Variants in TSHZ3 observed in about 807,000 individuals in gnomAD.
The protein encoded by TSHZ3 is teashirt zinc finger homeobox 3.
Under a neutral mutation model 64.5 loss-of-function variants are expected in TSHZ3, and 10 were observed. The ratio of observed to expected loss-of-function variants is 0.16; its 90% CI spans 0.10 to 0.26. TSHZ3 has a LOEUF of 0.26. Ranked by LOEUF, TSHZ3 falls within the 10% of genes least tolerant of loss-of-function variation. TSHZ3 has a pLI of 1.00. For synonymous variants in TSHZ3, 608 were observed against 593.1 expected (o/e 1.03, Z -0.36); for missense variants, 1,242 against 1,421.7 (o/e 0.87, Z 2.03).
In TSHZ3 at chr19:31,278,431, G is replaced by C; in HGVS notation, c.1362C>G (p.Ser454=). Residue 454 remains serine, a synonymous_variant, in exon 2 of 2, where the codon TCC becomes TCG. Transcript: ENST00000240587. The surrounding 1 kb of genome is among the most constrained non-coding windows in gnomAD (Gnocchi z 4.7). The part of the protein sequence containing the change: ...SVPLAATTFT[S]PSNTPASISP... ...AGATGCTGGCAGGTGTATTGGAGGG[G>C]GACGTGAAGGTGGTGGCTGCCAGGG... is the stretch of plus-strand genomic sequence containing the variant. 1 of 1,614,144 alleles carries C rather than the reference G, an allele frequency of 6.2e-7. No individual in the cohort carries two copies.
intron 1 of TSHZ3, 29 bp downstream of exon 1, chr19:31,349,151 G>C (rs778969251): frequency 6.5e-7 from 1 of 1,539,532 alleles, no homozygotes; most frequent in African/African-American, 1.4e-5. Flanking sequence ...AGGAGGAGGA[G>C]AGCAGAAGGA....
At chr19:31,192,396 C>T (rs189254912) in intron 5 of TSHZ3, among the ~76,000 whole-genome samples, 359 of 152,268 alleles carry the variant, frequency 2.4e-3, no homozygotes, top group Non-Finnish European at 3.5e-3. Flanking sequence ...AAAACAGATG[C>T]TTTGTAAATT....
At chr19:31,315,262 G>T (rs946499555) in intron 1 of TSHZ3, among the ~76,000 whole-genome samples, 3 of 152,050 alleles carry the variant, frequency 2.0e-5, no homozygotes, top group Non-Finnish European at 4.4e-5. Flanking sequence ...CTCCTTCGAG[G>T]CTCACATCAG....
intron 5 of TSHZ3, among the ~76,000 whole-genome samples, chr19:31,190,587 C>T (rs1974889307): frequency 6.6e-6 from 1 of 152,004 alleles, no homozygotes; most frequent in Middle Eastern, 3.2e-3. Flanking sequence ...CTCTTTAGAC[C>T]AAGATGGCAA....
downstream of TSHZ3, among the ~76,000 whole-genome samples, chr19:31,272,010 T>C (rs1976147900): frequency 6.6e-6 from 1 of 152,172 alleles, no homozygotes; most frequent in Non-Finnish European, 1.5e-5. Flanking sequence ...CAATTGCAAT[T>C]TTCCAATCTC....
At chr19:31,322,284 C>T (rs1384567758) in intron 1 of TSHZ3, among the ~76,000 whole-genome samples, 2 of 151,782 alleles carry the variant, frequency 1.3e-5, no homozygotes, top group East Asian at 2.0e-4. Flanking sequence ...TACAGGTTCC[C>T]GGCCAACACA....
chr19:31,238,017 T>A (rs1568356278), intron 3 of TSHZ3, among the ~76,000 whole-genome samples: 1 of 152,196 alleles, frequency 6.6e-6, no homozygotes, highest in Non-Finnish European at 1.5e-5. Context: ...ACTAGAATAT[T>A]AGCTATTTTG....
chr19:31,313,796 C>T (rs62102599), intron 1 of TSHZ3, among the ~76,000 whole-genome samples: 51,469 of 152,056 alleles, frequency 0.34, 8,774 homozygotes, highest in East Asian at 0.47. Flanking sequence ...CGGAGCCAAG[C>T]CTTTCATAGC....
At chr19:31,344,194 C>G (rs1174608316) in intron 1 of TSHZ3, among the ~76,000 whole-genome samples, 1 of 152,178 alleles carries the variant, frequency 6.6e-6, no homozygotes, top group Non-Finnish European at 1.5e-5. Context: ...CAGACACACA[C>G]ACGCACACAC....
intron 4 of TSHZ3, among the ~76,000 whole-genome samples, chr19:31,214,541 C>A (rs1361778966): frequency 6.6e-6 from 1 of 152,202 alleles, no homozygotes; most frequent in Non-Finnish European, 1.5e-5. Context: ...TAAGGCATTG[C>A]ACCTAAGTTG....
chr19:31,211,582 A>G (rs1431460596), intron 4 of TSHZ3, among the ~76,000 whole-genome samples: 2 of 152,172 alleles, frequency 1.3e-5, no homozygotes, highest in East Asian at 3.8e-4. Flanking sequence ...GACACAGAGG[A>G]AGGAAAAGCA....
At chr19:31,190,292 C>G (rs756563079) in intron 5 of TSHZ3, among the ~76,000 whole-genome samples, 1 of 152,080 alleles carries the variant, frequency 6.6e-6, no homozygotes, top group Non-Finnish European at 1.5e-5. Context: ...CTTTACAAGA[C>G]CTTGGAGGGG....
intron 5 of TSHZ3, among the ~76,000 whole-genome samples, chr19:31,173,593 C>A (rs1262112326): frequency 6.6e-6 from 1 of 152,100 alleles, no homozygotes; most frequent in Non-Finnish European, 1.5e-5. Flanking sequence ...AAATATGTTC[C>A]CATCCCAGGG....
intron 1 of TSHZ3, among the ~76,000 whole-genome samples, chr19:31,304,264 C>A (rs956460946): frequency 2.6e-5 from 4 of 152,130 alleles, no homozygotes; most frequent in Non-Finnish European, 5.9e-5. Flanking sequence ...TGAGTCACGG[C>A]GCCCAGTCCG....
At chr19:31,200,370 C>A (rs889038477) in intron 5 of TSHZ3, among the ~76,000 whole-genome samples, 2 of 152,134 alleles carry the variant, frequency 1.3e-5, no homozygotes, top group Non-Finnish European at 2.9e-5. Flanking sequence ...TCTGGTACAT[C>A]TTGACTTTGG....
In TSHZ3 at chr19:31,338,425, C is replaced by T. The variant is rs1043083704; in HGVS notation, c.40+10755G>A. Among the ~76,000 whole-genome samples the T allele has an allele frequency of 1.1e-4, 17 of 152,216 alleles. No homozygotes were observed. In the East Asian group the frequency reaches 1.5e-3, roughly 14 times the overall value. ...GCTGCTGGGAGCCCGGGCAGGGAGC[C>T]GCAAAAGATTATTTTTTATCTGAAA... On this transcript the variant is annotated intron_variant, in intron 1 of 1. Coordinates refer to ENST00000240587, the MANE Select transcript of TSHZ3 (RefSeq NM_020856.4).
intron 4 of TSHZ3, among the ~76,000 whole-genome samples, chr19:31,214,909 GAAAA>G (rs950173415): frequency 2.4e-5 from 1 of 41,856 alleles, no homozygotes; most frequent in Non-Finnish European, 5.1e-5. Context: ...CTCTGTCTCA[GAAAA>G]AAAAAAAAAA....
intron 1 of TSHZ3, among the ~76,000 whole-genome samples, chr19:31,319,747 G>A (rs189628977): frequency 4.1e-4 from 63 of 151,868 alleles, no homozygotes; most frequent in Middle Eastern, 3.4e-3. Flanking sequence ...ACCTTTTGTC[G>A]CCCTCAAAAG....
chr19:31,281,308 C>T (rs748266646), intron 1 of TSHZ3, among the ~76,000 whole-genome samples: 1 of 152,080 alleles, frequency 6.6e-6, no homozygotes, highest in Non-Finnish European at 1.5e-5. Flanking sequence ...CTCATTCCTT[C>T]CAGGACAGGT....
Sources: allele counts gnomAD v4.1 joint callset (sites outside exome capture counted in the v4.1 genomes callset), GRCh38; gene constraint gnomAD v4.1.1; non-coding constraint Gnocchi (gnomAD v3.1); transcripts MANE v1.5; gene names NCBI Gene and HGNC (gene_info 2026-07-23, HGNC 2026-07-21).